MLLT1: variants seen among roughly 807,000 people sequenced by gnomAD.
MLLT1 encodes the protein protein ENL.
A neutral mutation model predicts 55.1 loss-of-function variants in MLLT1; 11 were observed. That is an observed-to-expected ratio of 0.20 (90% CI 0.13 to 0.33). The LOEUF (loss-of-function observed/expected upper bound fraction) is 0.33. MLLT1 is among the 10% of genes least tolerant of loss of function. MLLT1 has a pLI of 1.00. For synonymous variants in MLLT1, 323 were observed against 320.1 expected (o/e 1.01, Z -0.10); for missense variants, 536 against 760.6 (o/e 0.70, Z 3.47).
chr19:6,222,732 G>A lies in MLLT1; in HGVS notation c.547-48C>T. On this transcript the variant is annotated intron_variant, in intron 5 of 11. Transcript: ENST00000252674. This position sits in a 1 kb window ranked among gnomAD's most constrained non-coding sequence, Gnocchi z 4.1. ...GGCAAGGGGAGAGACAAGGTCACGT[G>A]GCATTGCGGGGCGCCCTGCTCCGCC... 1.4e-6 allele frequency: 2 copies of A among 1,457,782 alleles called. No individual in the cohort carries two copies. The highest frequency in any genetic ancestry group is 1.8e-6 in the Non-Finnish European group (2 of 1,102,508). The allele number at this position is 1,457,782 out of a possible 1,614,324, so 90.3% of individuals were successfully genotyped here.
chr19:6,238,461 A>G (rs1261378493), intron 3 of MLLT1, among the ~76,000 whole-genome samples: 2 of 152,176 alleles, frequency 1.3e-5, no homozygotes, highest in East Asian at 3.8e-4. Flanking sequence ...AGGAGAAAGC[A>G]CCCCATGCAG....
At chr19:6,264,452 T>G (rs1412671924) in intron 2 of MLLT1, among the ~76,000 whole-genome samples, 1 of 151,116 alleles carries the variant, frequency 6.6e-6, no homozygotes, top group Non-Finnish European at 1.5e-5. Flanking sequence ...CACATAACGC[T>G]CAGGAGCTCC....
At position 6,217,756 on chromosome 19, in the gene MLLT1, C is replaced by T. The variant is rs145295953; in HGVS notation, c.1198+198G>A. 5.5e-4 allele frequency among the ~76,000 whole-genome samples: 84 copies of T among 152,360 alleles called. 3 individuals carry two copies. The East Asian group carries it at 0.012, about 21-fold the overall frequency. ...CAGCCACCACAAGGAACAGTGCCCCCGGGCCTGACTGGAGGTCTGGTGACT... is the reference window on the plus strand; with the variant it reads ...CAGCCACCACAAGGAACAGTGCCCCTGGGCCTGACTGGAGGTCTGGTGACT... On this transcript the variant is annotated intron_variant, in intron 7 of 11. Coordinates refer to ENST00000252674, the MANE Select transcript of MLLT1 (RefSeq NM_005934.4).
intron 6 of MLLT1, 97 bp from the exon 7 acceptor site, chr19:6,218,138 G>A (rs1206924985): frequency 8.8e-5 from 131 of 1,489,014 alleles, no homozygotes; most frequent in Non-Finnish European, 1.1e-4. Flanking sequence ...GCTACGCTGA[G>A]TGGGTCTCCC....
Position 6,227,696 on chromosome 19 carries a change from G to A in MLLT1, c.421-594C>T, listed in dbSNP as rs2090968692. 6.6e-6 allele frequency among the ~76,000 whole-genome samples: 1 copy of A among 152,192 alleles called. No individual in the cohort carries two copies. The highest frequency in any genetic ancestry group is 1.5e-5 in the Non-Finnish European group (1 of 68,034). On this transcript the variant is annotated intron_variant, in intron 4 of 11. Transcript: ENST00000252674. The surrounding 1 kb of genome is among the most constrained non-coding windows in gnomAD (Gnocchi z 5.1). ...GGGGGTCTCTCTGCAAAGCAGGCCCGAGTGAGCCAGCGAGCCTGCAGCATG... is the reference window on the plus strand; with the variant it reads ...GGGGGTCTCTCTGCAAAGCAGGCCCAAGTGAGCCAGCGAGCCTGCAGCATG...
chr19:6,265,775 T>C (rs1024742309), intron 2 of MLLT1, among the ~76,000 whole-genome samples: 10 of 152,044 alleles, frequency 6.6e-5, no homozygotes, highest in Admixed American at 4.6e-4. Context: ...GGTTAACAGA[T>C]TGAGGCCATC....
rs755110350 is a variant in MLLT1 at position 6,213,777 on chromosome 19, G to C, written c.1428C>G (p.Pro476=). Residue 476 remains proline, a synonymous_variant, in exon 10 of 12, where the codon CCC becomes CCG. Transcript: ENST00000252674. ...PNSKVSGRRS[P]ESCSKPEKIL... The stretch of plus-strand genomic sequence containing the variant: ...TCTTCTCAGGCTTGCTGCAGGACTC[G>C]GGGCTCCTCCGGCCTGACACCTGCA... 2 of 1,612,666 alleles carry C rather than the reference G, an allele frequency of 1.2e-6. No homozygotes were observed. Among genetic ancestry groups the C allele is most frequent in the Admixed American group, 1.7e-5 (1 of 59,798 alleles).
intron 3 of MLLT1, among the ~76,000 whole-genome samples, chr19:6,241,684 T>G (rs919986296): frequency 6.6e-6 from 1 of 152,212 alleles, no homozygotes; most frequent in East Asian, 1.9e-4. Flanking sequence ...TTCCTTGTGC[T>G]TCTCTGCCCG....
intron 8 of MLLT1, among the ~76,000 whole-genome samples, chr19:6,214,709 C>CAGA (rs1284920142): frequency 6.6e-6 from 1 of 152,160 alleles, no homozygotes; most frequent in Non-Finnish European, 1.5e-5. Flanking sequence ...CCTGGGGTCC[C>CAGA]GCTCTGCCAG....
rs1353033714 is a variant in MLLT1, at chr19:6,213,084, G to A, written c.1638C>T (p.Thr546=). Residue 546 remains threonine (T), a synonymous_variant, in exon 12 of 12, where the codon ACC becomes ACT. Coordinates refer to ENST00000252674, the MANE Select transcript of MLLT1 (RefSeq NM_005934.4). ...DFDLFSLDET[T]VRKLQSCLEA... The stretch of plus-strand genomic sequence containing the variant: ...CCAGGCAGCTCTGCAGTTTGCGCAC[G>A]GTGGTCTCGTCCAGGGAGAAGAGGT... 25 of 1,613,844 alleles carry A rather than the reference G, an allele frequency of 1.5e-5. No individual in the cohort carries two copies. The highest frequency in any genetic ancestry group is 1.6e-4 in the Middle Eastern group (1 of 6,080).
At chr19:6,234,477 C>T (rs941461361) in intron 3 of MLLT1, among the ~76,000 whole-genome samples, 1 of 152,220 alleles carries the variant, frequency 6.6e-6, no homozygotes, top group African/African-American at 2.4e-5. Flanking sequence ...TCTTGTCCTG[C>T]CTTTCCTACA....
intron 3 of MLLT1, among the ~76,000 whole-genome samples, chr19:6,244,982 G>A (rs987561901): frequency 1.3e-5 from 2 of 152,102 alleles, no homozygotes; most frequent in Admixed American, 6.6e-5. Context: ...CCTCATACCC[G>A]GCTGGGGGGG....
chr19:6,245,170 C>T lies in MLLT1; in HGVS notation c.277-14457G>A, dbSNP rs535640092. 2.0e-5 allele frequency among the ~76,000 whole-genome samples: 3 copies of T among 151,496 alleles called. No homozygotes were observed. In the East Asian group the frequency reaches 5.8e-4, roughly 29 times the overall value. On this transcript the variant is annotated intron_variant, in intron 3 of 11. Transcript: ENST00000252674. ...AGCCTTAGCAACATAGTGAGACTCT[C>T]TAACAAAAAAAAATTTTTTTAAATC...
chr19:6,217,683 A>G (rs918090129), intron 7 of MLLT1, among the ~76,000 whole-genome samples: 4 of 152,168 alleles, frequency 2.6e-5, no homozygotes, highest in Non-Finnish European at 5.9e-5. Context: ...CAGGGCCCTC[A>G]CCAGAAGCCC....
chr19:6,240,577 C>T lies in MLLT1; in HGVS notation c.277-9864G>A, dbSNP rs1313163498. On this transcript the variant is annotated intron_variant, in intron 3 of 11. Transcript: ENST00000252674. This position sits in a 1 kb window ranked among gnomAD's most constrained non-coding sequence, Gnocchi z 4.7. ...CATCACACGCTGGCCCAGAGACCCC[C>T]GGGATACACCGTTGGGAGAAGAAAG... Among the ~76,000 whole-genome samples, 4 of 152,176 alleles carry T rather than the reference C, an allele frequency of 2.6e-5. No homozygotes were observed. Among genetic ancestry groups the T allele is most frequent in the Non-Finnish European group, 5.9e-5 (4 of 68,046 alleles).
intron 1 of MLLT1, among the ~76,000 whole-genome samples, chr19:6,274,389 C>T (rs1480583338): frequency 3.9e-5 from 6 of 152,204 alleles, no homozygotes; most frequent in African/African-American, 1.4e-4. Context: ...CCCCTTCCCC[C>T]ACACCACCTG....
In MLLT1 at chr19:6,273,643, G is replaced by A. The variant is rs541581166; in HGVS notation, c.13-2884C>T. 1.2e-4 allele frequency among the ~76,000 whole-genome samples: 18 copies of A among 152,204 alleles called. No individual in the cohort carries two copies. In the South Asian group the frequency reaches 3.5e-3, roughly 30 times the overall value. ...ACACGCCTGCGCCTCTGCCTTTTTC[G>A]CTAGAAAACAGGAAGGCAACCCCTG... On this transcript the variant is annotated intron_variant, in intron 1 of 11. Transcript: ENST00000252674. This position sits in a 1 kb window ranked among gnomAD's most constrained non-coding sequence, Gnocchi z 4.3.
intron 3 of MLLT1, among the ~76,000 whole-genome samples, chr19:6,241,318 G>A (rs953720926): frequency 3.3e-5 from 5 of 152,238 alleles, no homozygotes; most frequent in Non-Finnish European, 7.3e-5. Context: ...TCCATTCAGG[G>A]CTCCAGGGCG....
Position 6,237,939 on chromosome 19 carries a change from C to A in MLLT1, c.277-7226G>T, listed in dbSNP as rs76938558. On this transcript the variant is annotated intron_variant, in intron 3 of 11. Coordinates refer to ENST00000252674, the MANE Select transcript of MLLT1 (RefSeq NM_005934.4). Reference sequence around the variant, plus strand: ...TGCACACAGTGAGATCTCATCTCTACAAAAAAAATTTTTTTTAATTAGCTG... The same window carrying A: ...TGCACACAGTGAGATCTCATCTCTAAAAAAAAAATTTTTTTTAATTAGCTG... Among the ~76,000 whole-genome samples the A allele has an allele frequency of 0.012, 1,858 of 151,766 alleles. 72 individuals are homozygous for A. The East Asian group carries it at 0.13, about 11-fold the overall frequency.
Sources: allele counts gnomAD v4.1 joint callset (sites outside exome capture counted in the v4.1 genomes callset), GRCh38; gene constraint gnomAD v4.1.1; non-coding constraint Gnocchi (gnomAD v3.1); transcripts MANE v1.5; gene names NCBI Gene and HGNC (gene_info 2026-07-23, HGNC 2026-07-21).